AGPAT2: variants seen among roughly 807,000 people sequenced by gnomAD.
AGPAT2 encodes 1-acyl-sn-glycerol-3-phosphate acyltransferase beta.
A neutral mutation model predicts 26.1 loss-of-function variants in AGPAT2; 18 were observed. The observed-to-expected ratio is 0.69, with a 90% CI of 0.48 to 1.02. The LOEUF (loss-of-function observed/expected upper bound fraction) is 1.02. AGPAT2 is among the 50% of genes least tolerant of loss of function. AGPAT2 has a pLI of 0.00. For missense variants in AGPAT2, 415 were observed against 394.9 expected, an observed-to-expected ratio of 1.05 and a Z score of -0.43; for synonymous variants, 200 against 174.2, an observed-to-expected ratio of 1.15 and a Z score of -1.16.
At chr9:136,674,951 C>T (rs751402756) in intron 4 of AGPAT2, 144 bp from the exon 5 acceptor site, 2 of 496,886 alleles carry the variant, frequency 4.0e-6, no homozygotes, top group African/African-American at 2.0e-5. Flanking sequence ...CTGTCCTGCC[C>T]CTGGGACCTG....
chr9:136,674,336 ACTGGCTG>A (rs1422977271), intron 5 of AGPAT2, among the ~76,000 whole-genome samples: 2 of 152,046 alleles, frequency 1.3e-5, no homozygotes, highest in Non-Finnish European at 2.9e-5. Flanking sequence ...CGTTCTGGGA[ACTGGCTG>A]GAAGGGGCAA....
intron 1 of AGPAT2, among the ~76,000 whole-genome samples, chr9:136,679,533 CAG>C (rs1333345953): frequency 6.6e-6 from 1 of 152,182 alleles, no homozygotes; most frequent in Non-Finnish European, 1.5e-5. Flanking sequence ...CCCGCACACT[CAG>C]GGGAACTGCA....
At chr9:136,678,604 C>T (rs1468192865) in intron 1 of AGPAT2, among the ~76,000 whole-genome samples, 1 of 152,168 alleles carries the variant, frequency 6.6e-6, no homozygotes, top group South Asian at 2.1e-4. Flanking sequence ...TAGTGCCCCC[C>T]ACCATTTGAT....
At chr9:136,683,551 G>A (rs1588268185) in intron 1 of AGPAT2, among the ~76,000 whole-genome samples, 1 of 152,182 alleles carries the variant, frequency 6.6e-6, no homozygotes, top group Admixed American at 6.5e-5. Context: ...GGTGTTTTCC[G>A]ACAAGTGTCA....
chr9:136,682,129 G>A (rs1011721595), intron 1 of AGPAT2, among the ~76,000 whole-genome samples: 2 of 152,178 alleles, frequency 1.3e-5, no homozygotes, highest in African/African-American at 2.4e-5. Flanking sequence ...AGCCCCCCTC[G>A]GAACCCTGCT....
intron 1 of AGPAT2, among the ~76,000 whole-genome samples, chr9:136,685,163 G>C (rs1418252355): frequency 6.6e-6 from 1 of 152,222 alleles, no homozygotes; most frequent in African/African-American, 2.4e-5. Flanking sequence ...GACCAAAGCA[G>C]GAACAAAGCA....
chr9:136,677,548 C>A lies in AGPAT2; in HGVS notation c.191G>T (p.Gly64Val), dbSNP rs781074178. 2 of 1,612,956 alleles carry A rather than the reference C, an allele frequency of 1.2e-6. No homozygotes were observed. The highest frequency in any genetic ancestry group is 1.7e-6 in the Non-Finnish European group (2 of 1,179,934). Residue 64 changes from glycine (G) to valine (V), a missense_variant, in exon 2 of 6, where the codon GGC (glycine) becomes GTC (valine). By Grantham distance (109) the Gly-to-Val change is moderately radical. Coordinates refer to ENST00000371696, the MANE Select transcript of AGPAT2 (RefSeq NM_006412.4). ...GTACTTGAAGCTTCGCACGAACCAG[C>A]CGATGATGCTGCAGGGGAGGCCACC... ...GRTVENMSII[G>V]WFVRSFKYFY... is the part of the protein sequence containing the mutation.
At chr9:136,684,044 C>T (rs1048906606) in intron 1 of AGPAT2, among the ~76,000 whole-genome samples, 1 of 152,226 alleles carries the variant, frequency 6.6e-6, no homozygotes, top group African/African-American at 2.4e-5. Context: ...TCCCGGCCTC[C>T]AGATACCAGC....
chr9:136,683,684 G>A (rs373699392), intron 1 of AGPAT2, among the ~76,000 whole-genome samples: 5 of 152,298 alleles, frequency 3.3e-5, no homozygotes, highest in East Asian at 1.9e-4. Context: ...CAGGTGTGGC[G>A]GGCGGGAAGG....
At chr9:136,681,345 G>T (rs569706550) in intron 1 of AGPAT2, among the ~76,000 whole-genome samples, 2 of 152,296 alleles carry the variant, frequency 1.3e-5, no homozygotes, top group African/African-American at 4.8e-5. Flanking sequence ...GTGGCTGGGG[G>T]AGAAAGGTAT....
intron 4 of AGPAT2, 80 bp from the exon 5 acceptor site, chr9:136,674,887 C>G: frequency 9.1e-7 from 1 of 1,095,310 alleles, no homozygotes; most frequent in Non-Finnish European, 1.2e-6. Flanking sequence ...GTTGGGGAGC[C>G]CTGTCCTGCG....
Position 136,673,803 on chromosome 9 carries a change from G to T in AGPAT2, c.786C>A (p.Thr262=), listed in dbSNP as rs151215253. 17 of 1,606,198 alleles carry T rather than the reference G, an allele frequency of 1.1e-5. No individual in the cohort carries two copies. The African/African-American group carries it at 2.3e-4, about 21-fold the overall frequency. ...MRTTFLHISK[T]PQENGATAGS... ...CCGCAGTGGCCCCGTTCTCCTGGGG[G>T]GTCTTGGAGATGTGGAGGAAGGTGG... is the stretch of plus-strand genomic sequence containing the variant. The change falls in exon 6 of 6, where the codon ACC becomes ACA. Residue 262 remains threonine (T), a synonymous_variant. Coordinates refer to ENST00000371696, the MANE Select transcript of AGPAT2 (RefSeq NM_006412.4).
chr9:136,679,817 G>A (rs1190692875), intron 1 of AGPAT2, among the ~76,000 whole-genome samples: 1 of 152,228 alleles, frequency 6.6e-6, no homozygotes, highest in Non-Finnish European at 1.5e-5. Context: ...CAGGAGTGAG[G>A]AGTCGCACAG....
At chr9:136,677,318 G>A (rs1346134768) in intron 2 of AGPAT2, 105 bp downstream of exon 2, 8 of 1,580,018 alleles carry the variant, frequency 5.1e-6, no homozygotes, top group Non-Finnish European at 6.9e-6. Flanking sequence ...AGCTCGCCCA[G>A]GCACAGGCAG....
At chr9:136,676,819 G>T (rs959269510) in intron 3 of AGPAT2, 139 bp from the exon 4 acceptor site, 1 of 1,253,360 alleles carries the variant, frequency 8.0e-7, no homozygotes, top group African/African-American at 1.5e-5. Context: ...TGATGTAGGG[G>T]TCTGGCGTGG....
At position 136,677,489 on chromosome 9, in the gene AGPAT2, G is replaced by A. The variant is rs369342642; in HGVS notation, c.250C>T (p.Arg84Cys). 50 of 1,612,972 alleles carry A rather than the reference G, an allele frequency of 3.1e-5. No homozygotes were observed. Among genetic ancestry groups the A allele is most frequent in the South Asian group, 5.5e-5 (5 of 91,096 alleles). Residue 84 changes from arginine (R) to cysteine (C), a missense_variant, in exon 2 of 6, where the codon CGC (arginine) becomes TGC (cysteine). By Grantham distance (180) the Arg-to-Cys change is radical. Coordinates refer to ENST00000371696, the MANE Select transcript of AGPAT2 (RefSeq NM_006412.4). ...CAGGGACGGGCCTCCTGCAGCCTGC[G>A]CGGGTCCCGCACCTCGAAGCGGAGC... ...YGLRFEVRDP[R>C]RLQEARPCVI...
chr9:136,679,289 G>C (rs1023410373), intron 1 of AGPAT2, among the ~76,000 whole-genome samples: 1 of 152,078 alleles, frequency 6.6e-6, no homozygotes, highest in East Asian at 1.9e-4. Context: ...GCCTGCGGCA[G>C]CACCACCTCA....
chr9:136,676,587 G>T lies in AGPAT2; in HGVS notation c.586C>A (p.Gln196Lys). 6.2e-7 allele frequency: 1 copy of T among 1,612,752 alleles called. No individual in the cohort carries two copies. Among genetic ancestry groups the T allele is most frequent in the Middle Eastern group, 1.7e-4 (1 of 6,050 alleles). ...AGGGAGGGCTGGGCTCAGCCTACCT[G>T]TGCCTGGACTGCCAGGTAGAAGGCG... ...KGAFYLAVQA[Q>K]VPIVPVVYSS... Residue 196 changes from glutamine to lysine, a missense_variant and splice_region_variant, in exon 4 of 6, where the codon CAG (glutamine) becomes AAG (lysine). Coordinates refer to ENST00000371696, the MANE Select transcript of AGPAT2 (RefSeq NM_006412.4).
At chr9:136,676,529 G>A in intron 4 of AGPAT2, 56 bp downstream of exon 4, 4 of 1,466,614 alleles carry the variant, frequency 2.7e-6, no homozygotes, top group Non-Finnish European at 3.8e-6. Flanking sequence ...CCTTAAGCCA[G>A]CCTGACCCCG....
Sources: gnomAD v4.1 joint callset for allele counts (sites outside exome capture counted in the v4.1 genomes callset) on GRCh38, gnomAD v4.1.1 for gene constraint, MANE v1.5 for transcripts, NCBI Gene and HGNC (gene_info 2026-07-23, HGNC 2026-07-21) for gene names.